CETP: variants seen among roughly 807,000 people sequenced by gnomAD.
CETP encodes BPI fold containing family F.
Under a neutral mutation model 66.5 loss-of-function variants are expected in CETP, and 56 were observed. The observed-to-expected ratio is 0.84, with a 90% CI of 0.68 to 1.05. The LOEUF is 1.05. Among genes scored for constraint, CETP ranks in the 50% least tolerant of loss-of-function variants. CETP has a pLI of 0.00. For synonymous variants in CETP, 251 were observed against 245.7 expected (o/e 1.02, Z -0.20); for missense variants, 612 against 609.6 (o/e 1.00, Z -0.04).
At chr16:56,970,353 A>C (rs1440765238) in intron 5 of CETP, among the ~76,000 whole-genome samples, 8 of 152,164 alleles carry the variant, frequency 5.3e-5, no homozygotes, top group African/African-American at 9.7e-5. Flanking sequence ...AGTCACAGAG[A>C]GGTTAGAAAG....
chr16:56,981,229 T>C lies in CETP; in HGVS notation c.1214+4T>C. On this transcript the variant is annotated splice_donor_region_variant and intron_variant, in intron 12 of 15. Coordinates refer to ENST00000200676, the MANE Select transcript of CETP (RefSeq NM_000078.3). ...TCTTAAGCCTCTTGGATTTCCAGTA[T>C]GTGCTGCAGAGAAGAGAGGGGGCGG... The C allele has an allele frequency of 6.2e-7, 1 of 1,609,254 alleles. No individual in the cohort carries two copies. The highest frequency in any genetic ancestry group is 1.1e-5 in the South Asian group (1 of 90,982).
Position 56,973,378 on chromosome 16 carries a change from C to G in CETP, c.798C>G (p.Thr266=), listed in dbSNP as rs762325325. The G allele has an allele frequency of 1.2e-6, 2 of 1,614,210 alleles. No individual in the cohort carries two copies. The highest frequency in any genetic ancestry group is 2.7e-5 in the African/African-American group (2 of 75,044). ...KNVSEDLPLP[T]FSPTLLGDSR... is the part of the protein sequence containing the mutation. Reference sequence around the variant, plus strand: ...TCTCAGAGGACCTCCCCCTCCCCACCTTCTCGCCCACACTGCTGGGGGACT... The same window carrying G: ...TCTCAGAGGACCTCCCCCTCCCCACGTTCTCGCCCACACTGCTGGGGGACT... The change falls in exon 9 of 16, where the codon ACC becomes ACG. Residue 266 remains threonine, a synonymous_variant. Transcript: ENST00000200676.
intron 5 of CETP, 66 bp from the exon 6 acceptor site, chr16:56,970,967 C>A: frequency 6.9e-7 from 1 of 1,445,102 alleles, no homozygotes; most frequent in Non-Finnish European, 9.7e-7. Flanking sequence ...GTGCCTGGTA[C>A]ACACTAGGCG....
At chr16:56,980,418 C>A (rs2056179462) in intron 11 of CETP, among the ~76,000 whole-genome samples, 1 of 152,124 alleles carries the variant, frequency 6.6e-6, no homozygotes, top group Non-Finnish European at 1.5e-5. Context: ...GTGATCCTCC[C>A]ACCTTGGCCT....
In CETP at chr16:56,967,979, A is replaced by G. The variant is rs1251089786; in HGVS notation, c.234-1407A>G. On this transcript the variant is annotated intron_variant, in intron 2 of 15. Coordinates refer to ENST00000200676, the MANE Select transcript of CETP (RefSeq NM_000078.3). ...ATCTCAAACAAGAAAGAACAAACTAAAAAAAAAAAAAGAAGAAGAAGAATT... is the reference window on the plus strand; with the variant it reads ...ATCTCAAACAAGAAAGAACAAACTAGAAAAAAAAAAAGAAGAAGAAGAATT... 5.3e-3 allele frequency among the ~76,000 whole-genome samples: 3 copies of G among 568 alleles called. No individual in the cohort carries two copies. In the Non-Finnish European group the frequency reaches 0.12, roughly 22 times the overall value. 0.4% of individuals were successfully genotyped at this position (568 alleles called of 152,430 possible).
chr16:56,970,651 T>C, intron 5 of CETP, among the ~76,000 whole-genome samples: 1 of 152,234 alleles, frequency 6.6e-6, no homozygotes, highest in Non-Finnish European at 1.5e-5. Flanking sequence ...GAGTCCCTAG[T>C]CATGTTACCA....
intron 10 of CETP, 42 bp from the exon 11 acceptor site, chr16:56,978,049 G>C (rs752157036): frequency 5.6e-6 from 9 of 1,608,772 alleles, no homozygotes; most frequent in South Asian, 2.2e-5. Context: ...CTGCTGCCCT[G>C]ATGGGCCCCT....
At chr16:56,965,669 A>G (rs2056060692) in intron 2 of CETP, among the ~76,000 whole-genome samples, 1 of 152,184 alleles carries the variant, frequency 6.6e-6, no homozygotes, top group African/African-American at 2.4e-5. Context: ...GCCACACAGC[A>G]TGTGTTTGGT....
chr16:56,973,652 C>T (rs1160014207), intron 9 of CETP, 142 bp downstream of exon 9: 27 of 894,502 alleles, frequency 3.0e-5, no homozygotes, highest in Non-Finnish European at 4.2e-5. Context: ...CAGTGAAGTC[C>T]AGACTGGGCA....
chr16:56,983,247 C>A, intron 14 of CETP, 79 bp from the exon 15 acceptor site: 2 of 1,142,190 alleles, frequency 1.8e-6, no homozygotes, highest in Admixed American at 3.4e-5. Context: ...TCAGCATCTC[C>A]CACTACCCAG....
intron 2 of CETP, among the ~76,000 whole-genome samples, chr16:56,968,242 A>G (rs2056082431): frequency 6.6e-6 from 1 of 151,926 alleles, no homozygotes; most frequent in Admixed American, 6.6e-5. Flanking sequence ...CTGGAGTGTA[A>G]TGGCGCGATC....
At chr16:56,978,514 T>A (rs1370570827) in intron 11 of CETP, among the ~76,000 whole-genome samples, 3 of 152,160 alleles carry the variant, frequency 2.0e-5, no homozygotes, top group African/African-American at 7.2e-5. Flanking sequence ...AGGGTCTCAC[T>A]CTGTCATCCA....
chr16:56,982,408 C>T (rs1011077396), intron 14 of CETP, among the ~76,000 whole-genome samples, 171 bp downstream of exon 14: 47 of 152,328 alleles, frequency 3.1e-4, no homozygotes, highest in African/African-American at 1.0e-3. Context: ...GCCAATGACT[C>T]GGCCAGATGC....
At chr16:56,973,268 T>C in intron 8 of CETP, 63 bp from the exon 9 acceptor site, 2 of 1,568,898 alleles carry the variant, frequency 1.3e-6, no homozygotes, top group Non-Finnish European at 8.8e-7. Flanking sequence ...CCAATCTCCC[T>C]GAAGCTGGAC....
intron 2 of CETP, among the ~76,000 whole-genome samples, chr16:56,965,705 A>G (rs900927145): frequency 1.3e-5 from 2 of 152,104 alleles, no homozygotes; most frequent in African/African-American, 4.8e-5. Flanking sequence ...CTATTGTGTC[A>G]TATTCCATGT....
intron 2 of CETP, among the ~76,000 whole-genome samples, chr16:56,964,212 AG>A (rs1648632873): frequency 6.6e-6 from 1 of 151,704 alleles, no homozygotes; most frequent in African/African-American, 2.4e-5. Flanking sequence ...TTCTTAGTAG[AG>A]ACGGGGTTTC....
intron 8 of CETP, among the ~76,000 whole-genome samples, chr16:56,972,925 G>A (rs2056122783): frequency 6.6e-6 from 1 of 152,084 alleles, no homozygotes; most frequent in African/African-American, 2.4e-5. Flanking sequence ...AGTGGGGCGG[G>A]GGACTGGGCA....
chr16:56,962,204 T>A (rs1489106658), intron 1 of CETP, 107 bp downstream of exon 1: 30 of 929,500 alleles, frequency 3.2e-5, no homozygotes, highest in Non-Finnish European at 4.9e-5. Flanking sequence ...GCTGCCACAC[T>A]AGCCCAGAGA....
intron 9 of CETP, 110 bp from the exon 10 acceptor site, chr16:56,974,991 G>T: frequency 1.1e-6 from 1 of 899,906 alleles, no homozygotes; most frequent in Non-Finnish European, 1.9e-6. Flanking sequence ...GTTGGGAGTT[G>T]CGTCTGAGGA....
Sources: gnomAD v4.1 joint callset for allele counts (sites outside exome capture counted in the v4.1 genomes callset) on GRCh38, gnomAD v4.1.1 for gene constraint, MANE v1.5 for transcripts, NCBI Gene and HGNC (gene_info 2026-07-23, HGNC 2026-07-21) for gene names.